Variants in PPP1R1C observed in about 807,000 individuals in gnomAD.
PPP1R1C encodes the protein protein phosphatase 1 regulatory subunit 1C.
Under a neutral mutation model 17.4 loss-of-function variants are expected in PPP1R1C, and 15 were observed. The observed-to-expected ratio is 0.86, with a 90% CI of 0.58 to 1.33. PPP1R1C has a LOEUF of 1.33. PPP1R1C is among the 40% of genes most tolerant of loss of function. The pLI, the probability that PPP1R1C is intolerant of heterozygous loss-of-function variation, is 0.00. For missense variants in PPP1R1C, 143 were observed against 130.0 expected (o/e 1.10, Z -0.48); for synonymous variants, 35 against 43.1 (o/e 0.81, Z 0.73).
chr2:182,128,880 A>C (rs1689939561), intron 5 of PPP1R1C: 1 of 152,144 alleles, frequency 6.6e-6, no homozygotes, highest in Admixed American at 6.6e-5. Context: ...GCTGCATACC[A>C]GATTTTTCCC....
Position 181,961,138 on chromosome 2 carries a change from C to T in PPP1R1C, n.111+6504C>T, listed in dbSNP as rs1388450247. The T allele has an allele frequency of 7.8e-6, 5 of 641,954 alleles. No individual in the cohort carries two copies. The highest frequency in any genetic ancestry group is 7.2e-5 in the African/African-American group (4 of 55,190). The allele number at this position is 641,954 out of a possible 1,614,324, so 39.8% of individuals were successfully genotyped here. On this transcript the variant is annotated intron_variant and non_coding_transcript_variant, in intron 1 of 5. Transcript: ENST00000464264. The surrounding 1 kb of genome is among the most constrained non-coding windows in gnomAD (Gnocchi z 5.8). ...TTGTCTTCCTTCCCTCCCTTCCTTC[C>T]TTCCTTTCACCTCTGAACTTTTTAT...
At chr2:181,974,609 C>T (rs1273234456) in intron 1 of PPP1R1C, among the ~76,000 whole-genome samples, 19 of 152,154 alleles carry the variant, frequency 1.2e-4, no homozygotes, top group Admixed American at 1.2e-3. Flanking sequence ...ATACAGTGGA[C>T]CCTTCCTGGA....
chr2:182,009,997 G>T (rs1686043687), intron 2 of PPP1R1C, among the ~76,000 whole-genome samples: 1 of 151,956 alleles, frequency 6.6e-6, no homozygotes, highest in Non-Finnish European at 1.5e-5. Context: ...CTGTTTTTAT[G>T]CTAGGATCAT....
At chr2:182,109,181 A>G (rs995457346) in intron 4 of PPP1R1C, among the ~76,000 whole-genome samples, 1 of 151,744 alleles carries the variant, frequency 6.6e-6, no homozygotes, top group Non-Finnish European at 1.5e-5. Context: ...TTCCATTCTT[A>G]ATTGGATTGT....
intron 2 of PPP1R1C, among the ~76,000 whole-genome samples, chr2:182,031,609 A>G (rs752055474): frequency 1.3e-5 from 2 of 152,238 alleles, no homozygotes; most frequent in Non-Finnish European, 2.9e-5. Context: ...TTACTTAGGC[A>G]TAATTTGTAT....
chr2:182,030,317 T>C (rs1412921413), intron 2 of PPP1R1C, among the ~76,000 whole-genome samples: 1 of 152,180 alleles, frequency 6.6e-6, no homozygotes, highest in Non-Finnish European at 1.5e-5. Context: ...CGTTTTTCTG[T>C]TCTGTTTTTT....
intron 4 of PPP1R1C, among the ~76,000 whole-genome samples, chr2:182,116,014 T>C (rs966298502): frequency 5.3e-5 from 8 of 152,176 alleles, no homozygotes; most frequent in African/African-American, 1.7e-4. Context: ...TCAGCTACTC[T>C]GATATCTTAA....
At chr2:182,033,018 A>G (rs1038684642) in intron 2 of PPP1R1C, among the ~76,000 whole-genome samples, 2 of 151,746 alleles carry the variant, frequency 1.3e-5, no homozygotes, top group African/African-American at 4.8e-5. Context: ...CCCCAAATTC[A>G]CTCCACTCCA....
chr2:181,956,455 CT>C (rs1165979082), intron 1 of PPP1R1C, among the ~76,000 whole-genome samples: 1 of 152,188 alleles, frequency 6.6e-6, no homozygotes, highest in Non-Finnish European at 1.5e-5. Context: ...GTTCTAGATC[CT>C]TGAGGAATCG....
intron 4 of PPP1R1C, among the ~76,000 whole-genome samples, chr2:182,078,162 A>G (rs1007178637): frequency 6.6e-6 from 1 of 152,256 alleles, no homozygotes; most frequent in Non-Finnish European, 1.5e-5. Flanking sequence ...CCTGGGTGAA[A>G]AGAACCTGAG....
rs556398719 is a variant in PPP1R1C, at chr2:181,961,456, A to T, written n.111+6822A>T. ...TGCCATCTCTGACTCCAGGTGCAGC[A>T]GGATCCTGTTGAGCTGCTCCATCTG... is the stretch of plus-strand genomic sequence containing the variant. On this transcript the variant is annotated intron_variant and non_coding_transcript_variant, in intron 1 of 5. Coordinates refer to the PPP1R1C transcript ENST00000464264. The surrounding 1 kb of genome is among the most constrained non-coding windows in gnomAD (Gnocchi z 5.8). 2 of 944,338 alleles carry T rather than the reference A, an allele frequency of 2.1e-6. No homozygotes were observed. Among genetic ancestry groups the T allele is most frequent in the East Asian group, 5.2e-5 (2 of 38,610 alleles). The allele number at this position is 944,338 out of a possible 1,614,324, so 58.5% of individuals were successfully genotyped here.
At chr2:182,107,246 T>C (rs1689280983) in intron 4 of PPP1R1C, among the ~76,000 whole-genome samples, 1 of 135,730 alleles carries the variant, frequency 7.4e-6, no homozygotes. Context: ...TGAGCAAAAA[T>C]TGACTTTTAA....
In PPP1R1C at chr2:181,987,881, A is replaced by G; in HGVS notation, c.124A>G (p.Asn42Asp). ...RPTPASLVILNEHNPPEIDDK... is the reference protein window; with the variant it reads ...RPTPASLVILDEHNPPEIDDK... ...TACACCAGCATCACTTGTGATTCTC[A>G]ATGAGCATAACCCCCCAGGTAAAGA... Residue 42 changes from asparagine to aspartate, a missense_variant, in exon 2 of 5, where the codon AAT becomes GAT. By Grantham distance (23) the Asn-to-Asp change is conservative. Transcript: ENST00000682840. 1 of 1,605,972 alleles carries G rather than the reference A, an allele frequency of 6.2e-7. No homozygotes were observed.
rs572372691 is a variant in PPP1R1C at position 182,063,832 on chromosome 2, A to G, written c.241+41A>G. 9 of 1,464,108 alleles carry G rather than the reference A, an allele frequency of 6.1e-6. No individual in the cohort carries two copies. In the East Asian group the frequency reaches 1.6e-4, roughly 26 times the overall value. 90.7% of individuals were successfully genotyped at this position (1,464,108 alleles called of 1,614,324 possible). A position where few individuals can be genotyped will look rare whatever the true frequency, so the allele number is the denominator to read the frequency against. On this transcript the variant is annotated intron_variant, in intron 4 of 4. Transcript: ENST00000682840. Reference sequence around the variant, plus strand: ...TGTTTCGGGTTGTCATGAGTGGTGAATCATGGCTGGTCGGCCGTCTGTTCT... The same window carrying G: ...TGTTTCGGGTTGTCATGAGTGGTGAGTCATGGCTGGTCGGCCGTCTGTTCT...
chr2:182,062,640 T>C (rs1687883221), intron 3 of PPP1R1C, among the ~76,000 whole-genome samples: 1 of 152,088 alleles, frequency 6.6e-6, no homozygotes, highest in South Asian at 2.1e-4. Context: ...TGTTGAAAGG[T>C]TTAGTTTTTA....
At chr2:181,991,225 A>G (rs745569800) in intron 2 of PPP1R1C, among the ~76,000 whole-genome samples, 1 of 152,140 alleles carries the variant, frequency 6.6e-6, no homozygotes, top group Non-Finnish European at 1.5e-5. Context: ...ATAGAAAGAT[A>G]TTTCAAGATG....
At chr2:182,098,266 G>T (rs1689001460) in intron 4 of PPP1R1C, among the ~76,000 whole-genome samples, 2 of 152,114 alleles carry the variant, frequency 1.3e-5, no homozygotes, top group South Asian at 4.1e-4. Flanking sequence ...AATATAGATT[G>T]AGTTCTCTGC....
Position 181,962,016 on chromosome 2 carries a change from CA to C in PPP1R1C, n.111+7384del, listed in dbSNP as rs1351196054. 1 of 731,148 alleles carries C rather than the reference CA, an allele frequency of 1.4e-6. No homozygotes were observed. Among genetic ancestry groups the C allele is most frequent in the East Asian group, 2.7e-5 (1 of 37,332 alleles). 45.3% of individuals were successfully genotyped at this position (731,148 alleles called of 1,614,324 possible). A position where few individuals can be genotyped will look rare whatever the true frequency, so the allele number is the denominator to read the frequency against. On this transcript the variant is annotated intron_variant and non_coding_transcript_variant, in intron 1 of 5. Transcript: ENST00000464264. This position sits in a 1 kb window ranked among gnomAD's most constrained non-coding sequence, Gnocchi z 6.0. ...TCATCGGCTGCAAGACAGGCATTGT[CA>C]ATCTGCAAAACGATGCCGGCATTGT...
At chr2:181,989,134 T>C (rs1178067044) in intron 2 of PPP1R1C, among the ~76,000 whole-genome samples, 1 of 152,198 alleles carries the variant, frequency 6.6e-6, no homozygotes, top group Non-Finnish European at 1.5e-5. Context: ...AGCAAACATT[T>C]CTGTAATGTC....
Sources: gnomAD v4.1 joint callset for allele counts (sites outside exome capture counted in the v4.1 genomes callset) on GRCh38, gnomAD v4.1.1 for gene constraint, Gnocchi (gnomAD v3.1) non-coding constraint, MANE v1.5 for transcripts, NCBI Gene and HGNC (gene_info 2026-07-23, HGNC 2026-07-21) for gene names.